The following FAM171A1 variants were observed in gnomAD, a reference collection of about 807,000 sequenced individuals.
FAM171A1 encodes family with sequence similarity 171 member A1.
A neutral mutation model predicts 74.9 loss-of-function variants in FAM171A1; 23 were observed. The ratio of observed to expected loss-of-function variants is 0.31; its 90% confidence interval spans 0.22 to 0.44. FAM171A1 has a LOEUF of 0.44. FAM171A1 is among the 20% of genes least tolerant of loss of function. FAM171A1 has a pLI of 1.00. For missense variants in FAM171A1, 1,162 were observed against 1,159.2 expected, an observed-to-expected ratio of 1.00 and a Z score of -0.03; for synonymous variants, 527 against 505.7, an observed-to-expected ratio of 1.04 and a Z score of -0.57.
intron 1 of FAM171A1, among the ~76,000 whole-genome samples, chr10:15,307,931 G>T (rs1219402670): frequency 6.6e-6 from 1 of 151,762 alleles, no homozygotes; most frequent in Non-Finnish European, 1.5e-5. Flanking sequence ...AGCCTCCCAG[G>T]TAACTGGGAC....
intron 1 of FAM171A1, among the ~76,000 whole-genome samples, chr10:15,363,398 A>G (rs988732328): frequency 2.6e-5 from 4 of 152,214 alleles, no homozygotes; most frequent in African/African-American, 9.6e-5. Flanking sequence ...AAGAGGGCTA[A>G]GGTAGACATG....
intron 1 of FAM171A1, among the ~76,000 whole-genome samples, chr10:15,337,112 C>T (rs1835710316): frequency 6.6e-6 from 1 of 151,412 alleles, no homozygotes; most frequent in Admixed American, 6.6e-5. Context: ...AACTCCTGGA[C>T]ACAAGCAATC....
In FAM171A1 at chr10:15,229,768, T is replaced by C. The variant is rs199618426; in HGVS notation, c.755-8708A>G. Among the ~76,000 whole-genome samples, 284 of 43,626 alleles carry C rather than the reference T, an allele frequency of 6.5e-3. 1 individual carries two copies. Among genetic ancestry groups the C allele is most frequent in the Middle Eastern group, 0.022 (2 of 90 alleles). The allele number at this position is 43,626 out of a possible 152,430, so 28.6% of individuals were successfully genotyped here. A position where few individuals can be genotyped will look rare whatever the true frequency, so the allele number is the denominator to read the frequency against. On this transcript the variant is annotated intron_variant, in intron 5 of 7. Transcript: ENST00000378116. The stretch of plus-strand genomic sequence containing the variant: ...ATCACCATCATCACCATCACCACCA[T>C]CACCATCATCACCATCACCACCATC...
At chr10:15,230,160 C>T (rs547872201) in intron 5 of FAM171A1, among the ~76,000 whole-genome samples, 1 of 152,300 alleles carries the variant, frequency 6.6e-6, no homozygotes, top group Non-Finnish European at 1.5e-5. Context: ...AAGCCATCAG[C>T]CCTTAAACCA....
At chr10:15,268,567 C>A (rs991734095) in intron 3 of FAM171A1, among the ~76,000 whole-genome samples, 1 of 151,888 alleles carries the variant, frequency 6.6e-6, no homozygotes, top group African/African-American at 2.4e-5. Flanking sequence ...CCTGACAGGC[C>A]TCCAAGCAGA....
chr10:15,368,131 C>A (rs1223538559), intron 1 of FAM171A1, among the ~76,000 whole-genome samples: 1 of 152,194 alleles, frequency 6.6e-6, no homozygotes, highest in African/African-American at 2.4e-5. Context: ...TAAAAATAGT[C>A]ATAGTCTAGA....
chr10:15,355,842 CCT>C (rs1325677365), intron 1 of FAM171A1, among the ~76,000 whole-genome samples: 1 of 152,108 alleles, frequency 6.6e-6, no homozygotes, highest in Non-Finnish European at 1.5e-5. Context: ...GTTTTTACTT[CCT>C]CTCTCTCCCA....
intron 5 of FAM171A1, among the ~76,000 whole-genome samples, chr10:15,240,977 T>C (rs543286043): frequency 4.6e-5 from 7 of 152,174 alleles, no homozygotes; most frequent in South Asian, 4.2e-4. Context: ...CCAGGAGTTC[T>C]AGCTCCGATT....
Position 15,354,254 on chromosome 10 carries a change from G to C in FAM171A1, c.97+16702C>G, listed in dbSNP as rs553698301. Among the ~76,000 whole-genome samples the C allele has an allele frequency of 5.3e-5, 8 of 152,246 alleles. No individual in the cohort carries two copies. In the South Asian group the frequency reaches 1.5e-3, roughly 28 times the overall value. On this transcript the variant is annotated intron_variant, in intron 1 of 7. Transcript: ENST00000378116. ...CTCACACTTGTAATCCCAGCAGTTA[G>C]GGAGGCTGAGGTGGGCGGATCACCT...
At chr10:15,331,154 G>C (rs1412430349) in intron 1 of FAM171A1, among the ~76,000 whole-genome samples, 3 of 152,126 alleles carry the variant, frequency 2.0e-5, no homozygotes, top group African/African-American at 7.2e-5. Context: ...CTCCCAAAGC[G>C]CTGGGATTAC....
chr10:15,334,197 T>A (rs1403495328), intron 1 of FAM171A1, among the ~76,000 whole-genome samples: 2 of 152,226 alleles, frequency 1.3e-5, no homozygotes, highest in African/African-American at 4.8e-5. Flanking sequence ...CATTACCCTT[T>A]TCTCTAGCCC....
At chr10:15,304,040 C>T (rs1269575597) in intron 1 of FAM171A1, among the ~76,000 whole-genome samples, 1 of 152,140 alleles carries the variant, frequency 6.6e-6, no homozygotes, top group African/African-American at 2.4e-5. Flanking sequence ...GGAACAAACC[C>T]AAAGAGACTG....
At chr10:15,312,122 C>A (rs1835366362) in intron 1 of FAM171A1, among the ~76,000 whole-genome samples, 2 of 152,186 alleles carry the variant, frequency 1.3e-5, no homozygotes, top group Non-Finnish European at 2.9e-5. Context: ...CCTATTATAC[C>A]AAAGCTGCCT....
intron 1 of FAM171A1, among the ~76,000 whole-genome samples, chr10:15,330,710 C>CTTTTTTTTTTT (rs1380078158): frequency 1.4e-5 from 1 of 69,512 alleles, no homozygotes; most frequent in Non-Finnish European, 2.9e-5. Flanking sequence ...TTTTCTTCTT[C>CTTTTTTTTTTT]TTCTTTTTTT....
chr10:15,295,370 A>C (rs1376504080), intron 1 of FAM171A1, among the ~76,000 whole-genome samples: 1 of 152,188 alleles, frequency 6.6e-6, no homozygotes, highest in African/African-American at 2.4e-5. Context: ...CAAAACATAA[A>C]ATCTTTTATG....
chr10:15,344,646 A>C (rs1033051952), intron 1 of FAM171A1, among the ~76,000 whole-genome samples: 1 of 152,214 alleles, frequency 6.6e-6, no homozygotes, highest in African/African-American at 2.4e-5. Flanking sequence ...CTTTATATTA[A>C]AATTTTATTT....
intron 1 of FAM171A1, among the ~76,000 whole-genome samples, chr10:15,298,584 G>C (rs997507299): frequency 2.0e-5 from 3 of 152,086 alleles, no homozygotes; most frequent in Admixed American, 2.0e-4. Flanking sequence ...CTGTTCGAAA[G>C]AAATAAGAAT....
chr10:15,355,533 C>G (rs780240710), intron 1 of FAM171A1, among the ~76,000 whole-genome samples: 3 of 152,068 alleles, frequency 2.0e-5, no homozygotes, highest in Non-Finnish European at 4.4e-5. Flanking sequence ...GCCTGGCCAA[C>G]TTGGTGAAAC....
chr10:15,354,051 T>A (rs1436878801), intron 1 of FAM171A1, among the ~76,000 whole-genome samples: 1 of 152,166 alleles, frequency 6.6e-6, no homozygotes, highest in Non-Finnish European at 1.5e-5. Context: ...CCTTCCAAAG[T>A]CCCTTCTGGG....
Sources: gnomAD v4.1 joint callset for allele counts (sites outside exome capture counted in the v4.1 genomes callset) on GRCh38, gnomAD v4.1.1 for gene constraint, MANE v1.5 for transcripts, NCBI Gene and HGNC (gene_info 2026-07-23, HGNC 2026-07-21) for gene names.